DCT: variants seen among roughly 807,000 people sequenced by gnomAD.
DCT encodes dopachrome tautomerase, also known as L-dopachrome tautomerase.
In DCT, 47 loss-of-function variants were observed where a neutral mutation model predicts 53.0. That is an observed-to-expected ratio of 0.89 (90% CI 0.70 to 1.13). The LOEUF (loss-of-function observed/expected upper bound fraction) is 1.13. Among genes scored for constraint, DCT ranks in the 50% most tolerant of loss-of-function variants. DCT has a pLI of 0.00. For synonymous variants in DCT, 244 were observed against 237.0 expected (o/e 1.03, Z -0.27); for missense variants, 669 against 637.4 (o/e 1.05, Z -0.53).
the DCT span, among the ~76,000 whole-genome samples, chr13:94,518,108 GGGAAGGAAGGAAGGAA>G: frequency 0.08 from 9,997 of 125,128 alleles, 778 homozygotes; most frequent in African/African-American, 0.23. Flanking sequence ...GGGAAACGAA[GGGAAGGAAGGAAGGAA>G]GGAAGGAAGG....
the DCT span, among the ~76,000 whole-genome samples, chr13:94,540,147 T>G: frequency 1.3e-5 from 2 of 152,182 alleles, no homozygotes; most frequent in Admixed American, 1.3e-4. Context: ...AAACATTGTT[T>G]CAAATTTCCA....
chr13:94,491,488 G>A, the DCT span, among the ~76,000 whole-genome samples: 1 of 152,126 alleles, frequency 6.6e-6, no homozygotes, highest in African/African-American at 2.4e-5. Flanking sequence ...GTCACATTCT[G>A]GGTTACTCAG....
the DCT span, among the ~76,000 whole-genome samples, chr13:94,486,633 A>G: frequency 6.6e-6 from 1 of 152,222 alleles, no homozygotes; most frequent in African/African-American, 2.4e-5. Context: ...TGCAGGCTTC[A>G]GTATCCAGGA....
chr13:94,488,889 CAT>C, the DCT span, among the ~76,000 whole-genome samples: 18 of 150,732 alleles, frequency 1.2e-4, no homozygotes, highest in African/African-American at 2.0e-4. Flanking sequence ...CACAAACACA[CAT>C]ATATATATAG....
At chr13:94,472,308 G>A (rs1267808779) in intron 1 of DCT, among the ~76,000 whole-genome samples, 1 of 151,624 alleles carries the variant, frequency 6.6e-6, no homozygotes, top group Non-Finnish European at 1.5e-5. Context: ...AGGGAGATGT[G>A]AGTGTGTGAG....
At chr13:94,547,984 A>T in the DCT span, among the ~76,000 whole-genome samples, 13,372 of 65,384 alleles carry the variant, frequency 0.2, 1,856 homozygotes, top group East Asian at 0.51. Flanking sequence ...AAAAAAAAAA[A>T]ATATATATAT....
chr13:94,497,133 C>A, the DCT span, among the ~76,000 whole-genome samples: 1 of 152,128 alleles, frequency 6.6e-6, no homozygotes, highest in Admixed American at 6.5e-5. Flanking sequence ...AATGGGTAGA[C>A]CTTAAGTAAA....
chr13:94,457,121 C>T (rs1194013943), intron 6 of DCT, among the ~76,000 whole-genome samples: 2 of 152,174 alleles, frequency 1.3e-5, no homozygotes, highest in Non-Finnish European at 2.9e-5. Context: ...CAGAGAGAGA[C>T]TCCGTCTCAA....
chr13:94,501,620 G>A, the DCT span, among the ~76,000 whole-genome samples: 56,954 of 150,348 alleles, frequency 0.38, 11,185 homozygotes, highest in East Asian at 0.61. Flanking sequence ...CTTATGCAGA[G>A]ACAAAGACAG....
At position 94,462,202 on chromosome 13, in the gene DCT, A is replaced by G. The variant is rs1566832447; in HGVS notation, c.864-13T>C. On this transcript the variant is annotated splice_polypyrimidine_tract_variant and intron_variant, in intron 4 of 7. Transcript: ENST00000377028. ...GTAGTCATCCAAGCTAAGATTTGTA[A>G]TAAGATTTAAAATAATATATGTTGG... 6.2e-7 allele frequency: 1 copy of G among 1,601,350 alleles called. No homozygotes were observed.
chr13:94,548,504 T>C, the DCT span, among the ~76,000 whole-genome samples: 1 of 151,960 alleles, frequency 6.6e-6, no homozygotes, highest in Non-Finnish European at 1.5e-5. Context: ...ACGACACAAA[T>C]AGATAGATAT....
chr13:94,519,634 C>T, the DCT span, among the ~76,000 whole-genome samples: 1 of 152,154 alleles, frequency 6.6e-6, no homozygotes, highest in African/African-American at 2.4e-5. Flanking sequence ...AGCTTCAATC[C>T]AACCATGCTC....
the DCT span, among the ~76,000 whole-genome samples, chr13:94,508,903 C>T: frequency 3.2e-4 from 48 of 152,288 alleles, no homozygotes; most frequent in South Asian, 7.5e-3. Context: ...GGGATTGGTA[C>T]TTAAATTAAA....
At chr13:94,452,657 A>G (rs1883172391) in intron 6 of DCT, 1 of 763,978 alleles carries the variant, frequency 1.3e-6, no homozygotes, top group East Asian at 2.5e-5. Flanking sequence ...AACGATTAGA[A>G]ATCACCTAAA....
chr13:94,445,567 C>G (rs1414129460), intron 6 of DCT: 1 of 617,596 alleles, frequency 1.6e-6, no homozygotes, highest in Non-Finnish European at 2.9e-6. Context: ...TAGTCAAGCC[C>G]TTCCAAAATT....
the DCT span, among the ~76,000 whole-genome samples, chr13:94,548,001 A>ATATG: frequency 7.4e-6 from 1 of 135,646 alleles, no homozygotes; most frequent in African/African-American, 2.9e-5. Context: ...ATATATATAT[A>ATATG]TATCTTCTCT....
intron 1 of DCT, among the ~76,000 whole-genome samples, chr13:94,471,316 T>C (rs1884632495): frequency 1.3e-5 from 2 of 152,182 alleles, no homozygotes; most frequent in South Asian, 2.1e-4. Flanking sequence ...TAATATATCA[T>C]ATATCCCACC....
chr13:94,504,760 C>T, the DCT span, among the ~76,000 whole-genome samples: 3 of 152,284 alleles, frequency 2.0e-5, no homozygotes, highest in East Asian at 5.8e-4. Flanking sequence ...ATAAGCAACC[C>T]TCTGAAAAAT....
chr13:94,464,811 G>C (rs1200507406), intron 4 of DCT, among the ~76,000 whole-genome samples: 1 of 152,102 alleles, frequency 6.6e-6, no homozygotes, highest in Admixed American at 6.5e-5. Flanking sequence ...CTCTTCATGG[G>C]CTGCAGGCCA....
Sources: allele counts gnomAD v4.1 joint callset (sites outside exome capture counted in the v4.1 genomes callset), GRCh38; gene constraint gnomAD v4.1.1; transcripts MANE v1.5; gene names NCBI Gene and HGNC (gene_info 2026-07-23, HGNC 2026-07-21).